Variants in TRPV2 observed in about 807,000 individuals in gnomAD.
TRPV2 encodes the protein transient receptor potential cation channel subfamily V member 2.
In TRPV2, 58 loss-of-function variants were observed where a neutral mutation model predicts 91.0. The ratio of observed to expected loss-of-function variants is 0.64; its 90% CI spans 0.52 to 0.79. The LOEUF is 0.79. Among genes scored for constraint, TRPV2 ranks in the 30% least tolerant of loss-of-function variants. The pLI, the probability that TRPV2 is intolerant of heterozygous loss-of-function variation, is 0.00. For missense variants in TRPV2, 807 were observed against 969.6 expected (o/e 0.83, Z 2.23); for synonymous variants, 417 against 414.8 (o/e 1.01, Z -0.06).
At chr17:16,420,680 C>T (rs532041661) in intron 3 of TRPV2, among the ~76,000 whole-genome samples, 1 of 152,324 alleles carries the variant, frequency 6.6e-6, no homozygotes, top group African/African-American at 2.4e-5. Flanking sequence ...CTAGAAGATT[C>T]AAACAGTAAG....
chr17:16,433,346 C>T, intron 12 of TRPV2: 1 of 517,826 alleles, frequency 1.9e-6, no homozygotes. Flanking sequence ...CTGTCTGAGG[C>T]ACTTTGTCCT....
At chr17:16,425,965 G>T in intron 5 of TRPV2, 134 bp from the exon 6 acceptor site, 1 of 895,882 alleles carries the variant, frequency 1.1e-6, no homozygotes. Context: ...CTGCGTGTAT[G>T]GGGGTACGTG....
At position 16,426,239 on chromosome 17, in the gene TRPV2, G is replaced by A. The variant is rs758232777; in HGVS notation, c.1065G>A (p.Leu355=). Residue 355 remains leucine, a synonymous_variant, in exon 6 of 15, where the codon CTG becomes CTA. Coordinates refer to ENST00000338560, the MANE Select transcript of TRPV2 (RefSeq NM_016113.5). This position sits in a 1 kb window ranked among gnomAD's most constrained non-coding sequence, Gnocchi z 6.0. ...ACAGCTGTGAGGAGAACTCAGTGCT[G>A]GAGATCATTGCCTTTCATTGCAAGA... The part of the protein sequence containing the change: ...SVDSCEENSV[L]EIIAFHCKSP... The A allele has an allele frequency of 1.2e-5, 20 of 1,614,186 alleles. No individual in the cohort carries two copies. The highest frequency in any genetic ancestry group is 1.7e-5 in the Non-Finnish European group (20 of 1,180,030).
At chr17:16,432,414 C>A in intron 12 of TRPV2, 114 bp downstream of exon 12, 2 of 879,450 alleles carry the variant, frequency 2.3e-6, no homozygotes, top group Non-Finnish European at 3.4e-6. Context: ...GGTTGGGCAG[C>A]TCTACCTTGT....
chr17:16,431,264 T>C (rs1208101015), intron 10 of TRPV2, among the ~76,000 whole-genome samples: 1 of 68,220 alleles, frequency 1.5e-5, no homozygotes, highest in Non-Finnish European at 2.7e-5. Flanking sequence ...GACATATATA[T>C]ATATATATAT....
intron 13 of TRPV2, 179 bp from the exon 14 acceptor site, chr17:16,434,711 C>CT (rs1329506178): frequency 1.1e-5 from 6 of 550,446 alleles, no homozygotes; most frequent in African/African-American, 2.0e-5. Flanking sequence ...CCTCACAGGA[C>CT]AGGGCTCCAA....
rs377053177 is a variant in TRPV2, at chr17:16,432,344, A to G, written c.1989+44A>G. 3.9e-6 allele frequency: 6 copies of G among 1,548,220 alleles called. No individual in the cohort carries two copies. In the African/African-American group the frequency reaches 8.1e-5, roughly 21 times the overall value. On this transcript the variant is annotated intron_variant, in intron 12 of 14. Coordinates refer to ENST00000338560, the MANE Select transcript of TRPV2 (RefSeq NM_016113.5). ...CCTGCCCCCACCCCACCCCACACTC[A>G]GGCGGTGGGGAGTGCTCCGGACCCT...
At chr17:16,433,869 A>G (rs774570125) in intron 13 of TRPV2, among the ~76,000 whole-genome samples, 171 bp downstream of exon 13, 7 of 152,232 alleles carry the variant, frequency 4.6e-5, no homozygotes, top group Admixed American at 2.0e-4. Context: ...GGATCTCACA[A>G]GCCATGGCTG....
rs2093430632 is a variant in TRPV2, at chr17:16,435,317, C to G, written c.2194+348C>G. Among the ~76,000 whole-genome samples the G allele has an allele frequency of 6.6e-6, 1 of 152,156 alleles. No individual in the cohort carries two copies. Among genetic ancestry groups the G allele is most frequent in the African/African-American group, 2.4e-5 (1 of 41,436 alleles). ...TGTCCCCAGCCAGGCCTGGGCTGAGCCTGGGGACTCAGCAGGGGAATAAGT... is the reference window on the plus strand; with the variant it reads ...TGTCCCCAGCCAGGCCTGGGCTGAGGCTGGGGACTCAGCAGGGGAATAAGT... On this transcript the variant is annotated intron_variant, in intron 14 of 14. Coordinates refer to ENST00000338560, the MANE Select transcript of TRPV2 (RefSeq NM_016113.5). The surrounding 1 kb of genome is among the most constrained non-coding windows in gnomAD (Gnocchi z 4.2).
rs1191320243 is a variant in TRPV2 at position 16,426,991 on chromosome 17, C to T, written c.1251+114C>T. 4.0e-6 allele frequency: 5 copies of T among 1,247,694 alleles called. No homozygotes were observed. 77.3% of individuals were successfully genotyped at this position (1,247,694 alleles called of 1,614,324 possible). ...GCATGGGCTGCTGGAGTGACATTCC[C>T]AAGCTTATGGGAGCCAGCACTGCAG... On this transcript the variant is annotated intron_variant, in intron 7 of 14. Transcript: ENST00000338560. This position sits in a 1 kb window ranked among gnomAD's most constrained non-coding sequence, Gnocchi z 6.0.
Position 16,417,559 on chromosome 17 carries a change from C to A in TRPV2, c.-107-3C>A. ...TGCACTAACCTAATACCTCCTTTTG[C>A]AGGCTCCAGTCAGGCCAACACCGAC... On this transcript the variant is annotated splice_polypyrimidine_tract_variant and splice_region_variant and intron_variant, in intron 1 of 14. Coordinates refer to ENST00000338560, the MANE Select transcript of TRPV2 (RefSeq NM_016113.5). 2.5e-6 allele frequency: 3 copies of A among 1,182,754 alleles called. No individual in the cohort carries two copies. The highest frequency in any genetic ancestry group is 3.6e-6 in the Non-Finnish European group (3 of 822,814). The allele number at this position is 1,182,754 out of a possible 1,614,324, so 73.3% of individuals were successfully genotyped here. A position where few individuals can be genotyped will look rare whatever the true frequency, so the allele number is the denominator to read the frequency against.
chr17:16,435,814 G>A lies in TRPV2; in HGVS notation c.2194+845G>A, dbSNP rs556847914. On this transcript the variant is annotated intron_variant, in intron 14 of 14. Transcript: ENST00000338560. This position sits in a 1 kb window ranked among gnomAD's most constrained non-coding sequence, Gnocchi z 4.2. ...TGCCCCACAGCCTGCTGGTTTCCCA[G>A]GCTCCTGGGCCGTGACCACTGCCTC... Among the ~76,000 whole-genome samples, 2 of 152,210 alleles carry A rather than the reference G, an allele frequency of 1.3e-5. No individual in the cohort carries two copies. Among genetic ancestry groups the A allele is most frequent in the African/African-American group, 4.8e-5 (2 of 41,540 alleles).
At position 16,426,295 on chromosome 17, in the gene TRPV2, C is replaced by T. The variant is rs184141196; in HGVS notation, c.1095+26C>T. 1.1e-5 allele frequency: 17 copies of T among 1,612,342 alleles called. No homozygotes were observed. Among genetic ancestry groups the T allele is most frequent in the East Asian group, 2.2e-5 (1 of 44,832 alleles). ...GTGAGCCCACAGGAGCATGGGTGCACGCAGAGGACCCAGCAGAGTTTCCAG... is the reference window on the plus strand; with the variant it reads ...GTGAGCCCACAGGAGCATGGGTGCATGCAGAGGACCCAGCAGAGTTTCCAG... On this transcript the variant is annotated intron_variant, in intron 6 of 14. Coordinates refer to ENST00000338560, the MANE Select transcript of TRPV2 (RefSeq NM_016113.5). The surrounding 1 kb of genome is among the most constrained non-coding windows in gnomAD (Gnocchi z 6.0).
intron 9 of TRPV2, 154 bp downstream of exon 9, chr17:16,428,541 C>G: frequency 1.1e-6 from 1 of 882,620 alleles, no homozygotes; most frequent in Non-Finnish European, 1.8e-6. Flanking sequence ...TCTGGGCTGC[C>G]GTCCAGCCTG....
chr17:16,422,748 C>T lies in TRPV2; in HGVS notation c.484C>T (p.Arg162Ter), dbSNP rs1185797430. 5.7e-6 allele frequency: 9 copies of T among 1,587,058 alleles called. No individual in the cohort carries two copies. Among genetic ancestry groups the T allele is most frequent in the South Asian group, 3.4e-5 (3 of 87,852 alleles). Reference protein sequence around the residue: ...VNAQCTDDYYRGHSALHIAIE... With the variant: ...VNAQCTDDYY The stretch of plus-strand genomic sequence containing the variant: ...TGCCCAGTGCACAGATGACTATTAC[C>T]GAGGCCACAGCGCTCTGCACATCGC... Residue 162 changes from arginine (R) to a stop codon, truncating the protein, a stop_gained, in exon 4 of 15, where the codon CGA (arginine) becomes TGA (stop). Coordinates refer to ENST00000338560, the MANE Select transcript of TRPV2 (RefSeq NM_016113.5). LOFTEE classifies it high-confidence loss of function.
Position 16,427,526 on chromosome 17 carries a change from G to T in TRPV2, c.1329G>T (p.Gly443=), listed in dbSNP as rs768422719. 5.0e-6 allele frequency: 8 copies of T among 1,612,566 alleles called. No homozygotes were observed. The highest frequency in any genetic ancestry group is 1.7e-4 in the Middle Eastern group (1 of 6,054). ...GCCACATCCTTATCCTGCTAGGGGGGATCTACCTCCTCGTGGGCCAGGTGA... is the reference window on the plus strand; with the variant it reads ...GCCACATCCTTATCCTGCTAGGGGGTATCTACCTCCTCGTGGGCCAGGTGA... ...LTGHILILLG[G]IYLLVGQLWY... Residue 443 remains glycine, a synonymous_variant, in exon 8 of 15, where the codon GGG becomes GGT. Transcript: ENST00000338560.
rs769494174 is a variant in TRPV2, at chr17:16,417,653, G to GCCT, written c.-6_-4dup. 3.1e-6 allele frequency: 5 copies of GCCT among 1,613,270 alleles called. No homozygotes were observed. The African/African-American group carries it at 6.7e-5, about 22-fold the overall frequency. Reference sequence around the variant, plus strand: ...ACAGAGGTCCTGGCTGGACCGAGCAGCCTCCTCCTCCTAGGATGACCTCAC... The same window carrying GCCT: ...ACAGAGGTCCTGGCTGGACCGAGCAGCCTCCTCCTCCTCCTAGGATGACCTCAC... On this transcript the variant is annotated 5_prime_UTR_variant, in exon 2 of 15. Coordinates refer to ENST00000338560, the MANE Select transcript of TRPV2 (RefSeq NM_016113.5).
chr17:16,420,341 A>G, intron 3 of TRPV2, 93 bp downstream of exon 3: 1 of 1,464,850 alleles, frequency 6.8e-7, no homozygotes, highest in Non-Finnish European at 9.3e-7. Flanking sequence ...GGAGCTGAGG[A>G]GTGAGTGTTC....
intron 12 of TRPV2, 117 bp downstream of exon 12, chr17:16,432,417 T>G: frequency 1.2e-6 from 1 of 817,806 alleles, no homozygotes; most frequent in Non-Finnish European, 1.9e-6. Flanking sequence ...TGGGCAGCTC[T>G]ACCTTGTCAG....
Sources: allele counts gnomAD v4.1 joint callset (sites outside exome capture counted in the v4.1 genomes callset), GRCh38; gene constraint gnomAD v4.1.1; non-coding constraint Gnocchi (gnomAD v3.1); transcripts MANE v1.5; gene names NCBI Gene and HGNC (gene_info 2026-07-23, HGNC 2026-07-21).